The following DDAH1 variants were observed in gnomAD, a reference collection of about 807,000 sequenced individuals.
The protein encoded by DDAH1 is dimethylarginine dimethylaminohydrolase 1.
In DDAH1, 19 loss-of-function variants were observed where a neutral mutation model predicts 28.8. The observed-to-expected ratio is 0.66, with a 90% CI of 0.46 to 0.97. The LOEUF (loss-of-function observed/expected upper bound fraction) is 0.97, where lower values mean the gene tolerates loss of function less well. Among genes scored for constraint, DDAH1 ranks in the 50% least tolerant of loss-of-function variants. The pLI is 0.00. For missense variants in DDAH1, 326 were observed against 375.9 expected (o/e 0.87, Z 1.10); for synonymous variants, 153 against 154.4 (o/e 0.99, Z 0.07).
intron 1 of DDAH1, among the ~76,000 whole-genome samples, chr1:85,545,115 A>G (rs552930541): frequency 6.6e-6 from 1 of 152,284 alleles, no homozygotes; most frequent in South Asian, 2.1e-4. Context: ...TCATTCAGCA[A>G]CCCAAACTCT....
chr1:85,542,974 G>A (rs1370182918), intron 1 of DDAH1, among the ~76,000 whole-genome samples: 2 of 152,200 alleles, frequency 1.3e-5, no homozygotes, highest in African/African-American at 4.8e-5. Flanking sequence ...TCAGTAAGGT[G>A]AAGTAACTCG....
rs1413713606 is a variant in DDAH1, at chr1:85,464,751, T to G, written c.295A>C (p.Arg99=). ...LITRPGAPSR[R]KEVDMMKEAL... ...CTCGAGTCGGCAGTTACCTCCTTCC[T>G]CCGGCTCGGCGCCCCGGGTCGGGTG... The change falls in exon 1 of 6, where the codon AGG becomes CGG. Residue 99 remains arginine, a synonymous_variant. Coordinates refer to ENST00000284031, the MANE Select transcript of DDAH1 (RefSeq NM_012137.4). The surrounding 1 kb of genome is among the most constrained non-coding windows in gnomAD (Gnocchi z 4.4). 1.3e-6 allele frequency: 2 copies of G among 1,544,138 alleles called. No individual in the cohort carries two copies. The highest frequency in any genetic ancestry group is 1.8e-5 in the Admixed American group (1 of 54,528).
chr1:85,437,080 A>T (rs1024792304), intron 1 of DDAH1, among the ~76,000 whole-genome samples: 6 of 152,098 alleles, frequency 3.9e-5, no homozygotes, highest in Non-Finnish European at 7.4e-5. Flanking sequence ...GGCTAGCTTG[A>T]AAAAGACAAT....
chr1:85,496,493 CT>C (rs2100734273), intron 1 of DDAH1, among the ~76,000 whole-genome samples: 1 of 152,264 alleles, frequency 6.6e-6, no homozygotes, highest in South Asian at 2.1e-4. Flanking sequence ...TTGTTTACCC[CT>C]CAAGACCTAC....
At chr1:85,322,405 T>G (rs1570366340) in intron 5 of DDAH1, among the ~76,000 whole-genome samples, 2 of 152,352 alleles carry the variant, frequency 1.3e-5, no homozygotes, top group Non-Finnish European at 1.5e-5. Flanking sequence ...AAACTTCAAT[T>G]AACAGTTCAT....
intron 2 of DDAH1, chr1:85,493,599 T>TC (rs1232355574): frequency 6.6e-6 from 1 of 152,232 alleles, no homozygotes; most frequent in African/African-American, 2.4e-5. Context: ...TTAAATATTT[T>TC]CTTTTTAAAA....
At chr1:85,406,756 A>G (rs747525468) in intron 1 of DDAH1, among the ~76,000 whole-genome samples, 87 of 152,120 alleles carry the variant, frequency 5.7e-4, no homozygotes, top group Admixed American at 4.9e-3. Context: ...CTGTTATTAC[A>G]TATAGAGAAC....
chr1:85,567,376 G>A (rs1490745498), intron 1 of DDAH1, among the ~76,000 whole-genome samples: 3 of 152,224 alleles, frequency 2.0e-5, no homozygotes, highest in African/African-American at 4.8e-5. Context: ...GGTATTTCCC[G>A]TGCTATTCTC....
At chr1:85,425,114 T>G (rs1451517353) in intron 1 of DDAH1, among the ~76,000 whole-genome samples, 1 of 152,160 alleles carries the variant, frequency 6.6e-6, no homozygotes, top group Non-Finnish European at 1.5e-5. Context: ...TCATGTGAGC[T>G]GTCATGTCAC....
chr1:85,543,252 C>G (rs1032513635), intron 1 of DDAH1, among the ~76,000 whole-genome samples: 4 of 152,174 alleles, frequency 2.6e-5, no homozygotes, highest in African/African-American at 9.7e-5. Context: ...TCACAACTAT[C>G]TATATACATG....
chr1:85,347,016 T>C (rs1314372176), intron 4 of DDAH1, among the ~76,000 whole-genome samples: 1 of 151,932 alleles, frequency 6.6e-6, no homozygotes, highest in East Asian at 1.9e-4. Context: ...CATGAAAAAA[T>C]GCTCATCATC....
At chr1:85,530,504 A>G (rs77734723) in intron 1 of DDAH1, among the ~76,000 whole-genome samples, 3 of 151,826 alleles carry the variant, frequency 2.0e-5, no homozygotes, top group African/African-American at 4.8e-5. Context: ...GATAATAAAA[A>G]GTCCAAATCG....
chr1:85,503,564 T>TCTAC (rs934689256), intron 1 of DDAH1, among the ~76,000 whole-genome samples: 1 of 151,906 alleles, frequency 6.6e-6, no homozygotes, highest in East Asian at 1.9e-4. Flanking sequence ...TATCTATCTA[T>TCTAC]CTATCCATCT....
intron 1 of DDAH1, among the ~76,000 whole-genome samples, chr1:85,391,403 G>T (rs1651541768): frequency 6.6e-6 from 1 of 152,138 alleles, no homozygotes; most frequent in Non-Finnish European, 1.5e-5. Context: ...GGAGTTTGAG[G>T]CTGCAGTGAG....
intron 1 of DDAH1, among the ~76,000 whole-genome samples, chr1:85,411,142 C>G (rs1652637781): frequency 6.6e-6 from 1 of 152,090 alleles, no homozygotes; most frequent in African/African-American, 2.4e-5. Flanking sequence ...ATCACAGCAT[C>G]ACAAAAAACA....
chr1:85,386,962 A>G (rs1315545698), intron 1 of DDAH1, among the ~76,000 whole-genome samples: 2 of 152,164 alleles, frequency 1.3e-5, no homozygotes, highest in Non-Finnish European at 1.5e-5. Flanking sequence ...AACTGGCCGG[A>G]GCTAAAAGCA....
At chr1:85,332,355 G>A (rs2474121) in intron 4 of DDAH1, among the ~76,000 whole-genome samples, 8,128 of 152,244 alleles carry the variant, frequency 0.053, 752 homozygotes, top group African/African-American at 0.19. Flanking sequence ...GGGACAAAGG[G>A]AGCTGAAGCA....
At position 85,350,457 on chromosome 1, in the gene DDAH1, C is replaced by G; in HGVS notation, c.555G>C (p.Leu185=). Residue 185 remains leucine, a synonymous_variant, in exon 4 of 6, where the codon CTG becomes CTC. Coordinates refer to ENST00000284031, the MANE Select transcript of DDAH1 (RefSeq NM_012137.4). The stretch of plus-strand genomic sequence containing the variant: ...CAGATTCACTAGACCCAATTGCGAT[C>G]AGGTTAGGCCCAGCCATGCTGCAGA... The part of the protein sequence containing the change: ...KSFCSMAGPN[L]IAIGSSESAQ... The G allele has an allele frequency of 6.2e-7, 1 of 1,614,080 alleles. No individual in the cohort carries two copies. Among genetic ancestry groups the G allele is most frequent in the Non-Finnish European group, 8.5e-7 (1 of 1,179,986 alleles).
intron 1 of DDAH1, among the ~76,000 whole-genome samples, chr1:85,546,415 G>A (rs895840928): frequency 3.9e-5 from 6 of 152,172 alleles, no homozygotes; most frequent in African/African-American, 1.2e-4. Context: ...TCAGAACTGT[G>A]AGCTAGTAAA....
Sources: allele counts gnomAD v4.1 joint callset (sites outside exome capture counted in the v4.1 genomes callset), GRCh38; gene constraint gnomAD v4.1.1; non-coding constraint Gnocchi (gnomAD v3.1); transcripts MANE v1.5; gene names NCBI Gene and HGNC (gene_info 2026-07-23, HGNC 2026-07-21).